MSRB3: variants seen among roughly 807,000 people sequenced by gnomAD.
MSRB3 encodes methionine-R-sulfoxide reductase B3.
MSRB3 carries 13 observed loss-of-function variants against 21.0 expected under a neutral mutation model. That is an observed-to-expected ratio of 0.62 (90% confidence interval 0.40 to 0.98). MSRB3 has a LOEUF of 0.98. Ranked by LOEUF, MSRB3 falls within the 50% of genes least tolerant of loss-of-function variation. The pLI is 0.00. For missense variants in MSRB3, 199 were observed against 230.3 expected (o/e 0.86, Z 0.88); for synonymous variants, 87 against 88.6 (o/e 0.98, Z 0.10).
Position 65,465,937 on chromosome 12 carries a change from A to G in MSRB3, c.*2615A>G, listed in dbSNP as rs1426787048. 2 of 152,186 alleles carry G rather than the reference A, an allele frequency of 1.3e-5. No individual in the cohort carries two copies. Among genetic ancestry groups the G allele is most frequent in the Admixed American group, 6.5e-5 (1 of 15,274 alleles). The allele number at this position is 152,186 out of a possible 1,614,324, so 9.4% of individuals were successfully genotyped here. ...CCTCCAGCCCATCCTTCAGAGGCAC[A>G]CACAGCACCTCTCGGCTGCTCCAGC... On this transcript the variant is annotated 3_prime_UTR_variant, in exon 7 of 7. Coordinates refer to ENST00000308259, the MANE Select transcript of MSRB3 (RefSeq NM_001031679.3).
At chr12:65,320,841 T>G (rs1874616245) in intron 2 of MSRB3, among the ~76,000 whole-genome samples, 2 of 152,228 alleles carry the variant, frequency 1.3e-5, no homozygotes, top group Non-Finnish European at 2.9e-5. Context: ...TTTAAATTGT[T>G]GCTTATCTAT....
At chr12:65,454,855 G>A (rs1173608064) in intron 6 of MSRB3, among the ~76,000 whole-genome samples, 1 of 152,142 alleles carries the variant, frequency 6.6e-6, no homozygotes, top group Non-Finnish European at 1.5e-5. Context: ...GGTATTTTGT[G>A]CTTAAACACA....
At chr12:65,375,501 G>A (rs1019235386) in intron 5 of MSRB3, among the ~76,000 whole-genome samples, 4 of 152,030 alleles carry the variant, frequency 2.6e-5, no homozygotes, top group Admixed American at 1.3e-4. Context: ...GCTGTGGCAC[G>A]ATCATAGCTC....
chr12:65,377,359 C>T (rs1032465752), intron 5 of MSRB3, among the ~76,000 whole-genome samples: 2 of 152,162 alleles, frequency 1.3e-5, no homozygotes, highest in Non-Finnish European at 2.9e-5. Context: ...TGGCTCCCTG[C>T]CTCCTGGGAT....
chr12:65,355,413 C>G (rs1210510247), intron 4 of MSRB3, among the ~76,000 whole-genome samples: 1 of 151,840 alleles, frequency 6.6e-6, no homozygotes, highest in East Asian at 1.9e-4. Flanking sequence ...ATAACTAACT[C>G]TATTTGGTTT....
At chr12:65,337,298 G>A (rs528667639) in intron 4 of MSRB3, among the ~76,000 whole-genome samples, 172 of 151,782 alleles carry the variant, frequency 1.1e-3, no homozygotes, top group Non-Finnish European at 1.5e-3. Flanking sequence ...GCTGGGCATG[G>A]TGATGCATGC....
intron 5 of MSRB3, among the ~76,000 whole-genome samples, chr12:65,452,844 C>G (rs924854730): frequency 1.3e-5 from 2 of 152,124 alleles, no homozygotes; most frequent in Non-Finnish European, 2.9e-5. Flanking sequence ...AAAAATTGCA[C>G]CAGCACTTCA....
intron 6 of MSRB3, among the ~76,000 whole-genome samples, chr12:65,457,948 AT>A (rs1883165276): frequency 6.6e-6 from 1 of 152,032 alleles, no homozygotes; most frequent in African/African-American, 2.4e-5. Context: ...TGTATTCTTA[AT>A]TTACGTGGCT....
At chr12:65,389,328 T>G (rs778528172) in intron 5 of MSRB3, among the ~76,000 whole-genome samples, 1 of 152,186 alleles carries the variant, frequency 6.6e-6, no homozygotes, top group African/African-American at 2.4e-5. Context: ...TTTCTTCATT[T>G]TTTTTTAATT....
intron 5 of MSRB3, among the ~76,000 whole-genome samples, chr12:65,440,281 G>T (rs541672526): frequency 6.6e-6 from 1 of 151,070 alleles, no homozygotes; most frequent in African/African-American, 2.4e-5. Flanking sequence ...TGGTAGCCCA[G>T]AAACCGCAAA....
Position 65,411,455 on chromosome 12 carries a change from T to C in MSRB3, c.293-42273T>C, listed in dbSNP as rs558980132. Among the ~76,000 whole-genome samples, 13 of 152,302 alleles carry C rather than the reference T, an allele frequency of 8.5e-5. No homozygotes were observed. The South Asian group carries it at 2.7e-3, about 32-fold the overall frequency. On this transcript the variant is annotated intron_variant, in intron 5 of 6. Coordinates refer to ENST00000308259, the MANE Select transcript of MSRB3 (RefSeq NM_001031679.3). The stretch of plus-strand genomic sequence containing the variant: ...TGCTACCCATTATACTCAGATCTCC[T>C]TTTTAAAACCTCACAAGTAGAAAGG...
At chr12:65,423,777 G>A (rs1415546227) in intron 5 of MSRB3, among the ~76,000 whole-genome samples, 1 of 152,118 alleles carries the variant, frequency 6.6e-6, no homozygotes, top group African/African-American at 2.4e-5. Flanking sequence ...ATATTCATCA[G>A]GGATATTGGC....
intron 6 of MSRB3, among the ~76,000 whole-genome samples, chr12:65,460,618 T>C (rs1883283090): frequency 6.6e-6 from 1 of 152,152 alleles, no homozygotes; most frequent in Admixed American, 6.5e-5. Context: ...AAGCCATAAC[T>C]ATCATTTTCA....
chr12:65,430,303 C>A (rs756654943), intron 5 of MSRB3, among the ~76,000 whole-genome samples: 6 of 152,100 alleles, frequency 3.9e-5, no homozygotes, highest in Admixed American at 2.6e-4. Flanking sequence ...AGGATGCAGA[C>A]TGATATTTCA....
intron 5 of MSRB3, among the ~76,000 whole-genome samples, chr12:65,380,990 T>C (rs1878911127): frequency 6.6e-6 from 1 of 152,124 alleles, no homozygotes; most frequent in African/African-American, 2.4e-5. Context: ...AGAAATTTTC[T>C]CCCCCTCCAA....
intron 1 of MSRB3, among the ~76,000 whole-genome samples, chr12:65,300,606 T>G (rs1873264631): frequency 6.6e-6 from 1 of 152,216 alleles, no homozygotes; most frequent in Non-Finnish European, 1.5e-5. Flanking sequence ...TACTGGCCAT[T>G]TAACCTCAAG....
At chr12:65,383,106 A>T (rs576538752) in intron 5 of MSRB3, among the ~76,000 whole-genome samples, 1 of 152,328 alleles carries the variant, frequency 6.6e-6, no homozygotes, top group East Asian at 1.9e-4. Context: ...TATTAAAATG[A>T]TATAAATTTT....
At chr12:65,405,210 C>G (rs1880347170) in intron 5 of MSRB3, among the ~76,000 whole-genome samples, 1 of 152,088 alleles carries the variant, frequency 6.6e-6, no homozygotes, top group Admixed American at 6.6e-5. Context: ...CCTCAGCCTC[C>G]CAAAGTACAG....
rs114356733 is a variant in MSRB3, at chr12:65,361,413, C to T, written c.264-7585C>T. 4.2e-3 allele frequency among the ~76,000 whole-genome samples: 646 copies of T among 152,190 alleles called. 3 individuals carry two copies. The highest frequency in any genetic ancestry group is 0.014 in the African/African-American group (587 of 41,538). On this transcript the variant is annotated intron_variant, in intron 4 of 6. Coordinates refer to ENST00000308259, the MANE Select transcript of MSRB3 (RefSeq NM_001031679.3). ...GTTGGCTCCTTTCCCACAACTGTTA[C>T]GTGAATATGGACAAGAAATAGACCT...
Sources: gnomAD v4.1 joint callset for allele counts (sites outside exome capture counted in the v4.1 genomes callset) on GRCh38, gnomAD v4.1.1 for gene constraint, MANE v1.5 for transcripts, NCBI Gene and HGNC (gene_info 2026-07-23, HGNC 2026-07-21) for gene names.